Variants in ERCC6L2 observed in about 807,000 individuals in gnomAD.
ERCC6L2 encodes DNA excision repair protein ERCC-6-like 2.
Under a neutral mutation model 132.0 loss-of-function variants are expected in ERCC6L2, and 77 were observed. The observed-to-expected ratio is 0.58, with a 90% CI of 0.49 to 0.71. ERCC6L2 has a LOEUF of 0.71. Ranked by LOEUF, ERCC6L2 falls within the 30% of genes least tolerant of loss-of-function variation. ERCC6L2 has a pLI of 0.00. For missense variants in ERCC6L2, 1,542 were observed against 1,837.6 expected (o/e 0.84, Z 2.94); for synonymous variants, 583 against 632.4 (o/e 0.92, Z 1.17).
In ERCC6L2 at chr9:95,916,420, A is replaced by G. The variant is rs749572532; in HGVS notation, c.1144A>G (p.Lys382Glu). ...TKTLIKDQLP[K>E]KEDRMVYCSL... is the part of the protein sequence containing the mutation. ...GACTCTTATCAAGGATCAGTTGCCT[A>G]AGAAGGAAGACCGGGTAAGAACCGC... Residue 382 changes from lysine to glutamate, a missense_variant, in exon 6 of 19, where the codon AAG becomes GAG. Coordinates refer to ENST00000653738, the MANE Select transcript of ERCC6L2 (RefSeq NM_020207.7). The G allele has an allele frequency of 7.0e-6, 11 of 1,566,910 alleles. No homozygotes were observed. Among genetic ancestry groups the G allele is most frequent in the Non-Finnish European group, 9.5e-6 (11 of 1,163,072 alleles).
At chr9:95,888,497 A>G (rs1386057277) in intron 2 of ERCC6L2, among the ~76,000 whole-genome samples, 1 of 152,222 alleles carries the variant, frequency 6.6e-6, no homozygotes, top group Non-Finnish European at 1.5e-5. Context: ...CTATTCCACA[A>G]TAAAACATGT....
chr9:96,008,871 G>A (rs990962353), intron 18 of ERCC6L2, among the ~76,000 whole-genome samples: 4 of 152,246 alleles, frequency 2.6e-5, no homozygotes, highest in African/African-American at 9.6e-5. Context: ...GTAGAGCACT[G>A]AATCTTTTGT....
At chr9:95,944,479 C>A (rs760364730) in intron 12 of ERCC6L2, among the ~76,000 whole-genome samples, 3 of 152,066 alleles carry the variant, frequency 2.0e-5, no homozygotes, top group Non-Finnish European at 2.9e-5. Flanking sequence ...TACTTAATCC[C>A]GTTGCACTGT....
chr9:95,901,015 A>G (rs1159634727), intron 3 of ERCC6L2, among the ~76,000 whole-genome samples: 1 of 151,714 alleles, frequency 6.6e-6, no homozygotes, highest in Non-Finnish European at 1.5e-5. Context: ...TTGAGGCTGC[A>G]GTGAGCCATG....
Position 95,978,057 on chromosome 9 carries a change from C to T in ERCC6L2, c.3338-4C>T. 2 of 1,362,556 alleles carry T rather than the reference C, an allele frequency of 1.5e-6. No individual in the cohort carries two copies. The highest frequency in any genetic ancestry group is 2.3e-5 in the South Asian group (2 of 87,230). 84.4% of individuals were successfully genotyped at this position (1,362,556 alleles called of 1,614,324 possible). Reference sequence around the variant, plus strand: ...TCACTTAATAAACATAAATTACCTCCTAGATGGCGTTCAGGAAGTGGCTTA... The same window carrying T: ...TCACTTAATAAACATAAATTACCTCTTAGATGGCGTTCAGGAAGTGGCTTA... On this transcript the variant is annotated splice_region_variant and splice_polypyrimidine_tract_variant and intron_variant, in intron 16 of 18. Transcript: ENST00000653738.
chr9:96,034,617 G>A (rs1265153616), intron 19 of ERCC6L2, among the ~76,000 whole-genome samples: 1 of 152,230 alleles, frequency 6.6e-6, no homozygotes, highest in Admixed American at 6.5e-5. Context: ...CGGGCTGCTT[G>A]TGGGGAGCCA....
At chr9:95,926,517 A>C (rs1482726225) in intron 9 of ERCC6L2, among the ~76,000 whole-genome samples, 1 of 152,176 alleles carries the variant, frequency 6.6e-6, no homozygotes, top group Non-Finnish European at 1.5e-5. Flanking sequence ...TGAGTGAAGG[A>C]AACCAGTCTG....
At chr9:95,907,378 T>C in intron 4 of ERCC6L2, 107 bp downstream of exon 4, 2 of 923,220 alleles carry the variant, frequency 2.2e-6, no homozygotes, top group South Asian at 4.6e-5. Context: ...CTTGCTTTTG[T>C]GTTTTTAGTA....
At chr9:95,939,802 T>G (rs1830716355) in intron 11 of ERCC6L2, among the ~76,000 whole-genome samples, 1 of 152,230 alleles carries the variant, frequency 6.6e-6, no homozygotes, top group Non-Finnish European at 1.5e-5. Flanking sequence ...TCTCAGTCTT[T>G]TCTTATTCAG....
chr9:95,887,152 A>G (rs1198313143), intron 2 of ERCC6L2, among the ~76,000 whole-genome samples: 1 of 152,060 alleles, frequency 6.6e-6, no homozygotes, highest in Admixed American at 6.6e-5. Flanking sequence ...CAAAAGAGTA[A>G]TAAAAGGAAA....
chr9:95,953,038 C>T (rs1236313560), intron 12 of ERCC6L2, among the ~76,000 whole-genome samples: 1 of 151,982 alleles, frequency 6.6e-6, no homozygotes, highest in African/African-American at 2.4e-5. Flanking sequence ...TTCACAAAGA[C>T]AGAAAAGAGA....
intron 3 of ERCC6L2, among the ~76,000 whole-genome samples, chr9:95,900,196 A>C (rs1387448568): frequency 6.6e-6 from 1 of 152,134 alleles, no homozygotes; most frequent in South Asian, 2.1e-4. Flanking sequence ...CCTGCGCACC[A>C]TAAGAATACC....
intron 17 of ERCC6L2, among the ~76,000 whole-genome samples, chr9:95,992,223 T>C (rs1833327077): frequency 6.6e-6 from 1 of 152,252 alleles, no homozygotes; most frequent in Non-Finnish European, 1.5e-5. Flanking sequence ...AAGTTCCTTA[T>C]GTTAACATGT....
intron 18 of ERCC6L2, among the ~76,000 whole-genome samples, chr9:96,010,218 C>G (rs1252694180): frequency 6.6e-6 from 1 of 152,146 alleles, no homozygotes; most frequent in Non-Finnish European, 1.5e-5. Context: ...GGCTGTTGAT[C>G]AAGCATGTAT....
chr9:96,030,360 T>G (rs971871128), intron 19 of ERCC6L2, among the ~76,000 whole-genome samples: 1 of 152,078 alleles, frequency 6.6e-6, no homozygotes, highest in African/African-American at 2.4e-5. Flanking sequence ...GCTTTGTTCT[T>G]TCACTCTTCA....
chr9:95,903,910 C>A (rs527485965), intron 3 of ERCC6L2, among the ~76,000 whole-genome samples: 1 of 151,888 alleles, frequency 6.6e-6, no homozygotes, highest in South Asian at 2.1e-4. Flanking sequence ...TCAAAAATAC[C>A]CAACATAGGT....
At chr9:95,927,996 A>G (rs1350535779) in intron 9 of ERCC6L2, 83 bp from the exon 10 acceptor site, 2 of 895,108 alleles carry the variant, frequency 2.2e-6, no homozygotes, top group Non-Finnish European at 3.6e-6. Flanking sequence ...ATAATTTTAA[A>G]GAAATTCTCA....
At chr9:95,916,626 A>G (rs1229339682) in intron 6 of ERCC6L2, among the ~76,000 whole-genome samples, 192 bp downstream of exon 6, 1 of 151,982 alleles carries the variant, frequency 6.6e-6, no homozygotes, top group Non-Finnish European at 1.5e-5. Context: ...TGACTTTATT[A>G]ACCTGTTAGC....
chr9:96,029,324 C>CA (rs955836656), intron 19 of ERCC6L2, among the ~76,000 whole-genome samples: 37 of 104,764 alleles, frequency 3.5e-4, no homozygotes, highest in Middle Eastern at 4.7e-3. Flanking sequence ...AAAAAAAAAA[C>CA]AAAAAAAAAA....
Sources: allele counts gnomAD v4.1 joint callset (sites outside exome capture counted in the v4.1 genomes callset), GRCh38; gene constraint gnomAD v4.1.1; transcripts MANE v1.5; gene names NCBI Gene and HGNC (gene_info 2026-07-23, HGNC 2026-07-21).